MYO18B: variants seen among roughly 807,000 people sequenced by gnomAD.
MYO18B encodes unconventional myosin-XVIIIb.
In MYO18B, 204 loss-of-function variants were observed where a neutral mutation model predicts 273.0. The observed-to-expected ratio is 0.75, with a 90% confidence interval of 0.67 to 0.84. The LOEUF (loss-of-function observed/expected upper bound fraction) is 0.84. MYO18B is among the 40% of genes least tolerant of loss of function. The probability of loss-of-function intolerance (pLI) is 0.00; values close to 1 mark genes in which losing one functional copy is unlikely to be tolerated. For synonymous variants in MYO18B, 1,330 were observed against 1,305.7 expected, an observed-to-expected ratio of 1.02 and a Z score of -0.40; for missense variants, 3,212 against 3,287.6, an observed-to-expected ratio of 0.98 and a Z score of 0.56.
rs1372052215 is a variant in MYO18B, at chr22:25,948,499, TC to T, written c.5748+673del. On this transcript the variant is annotated intron_variant, in intron 36 of 43. Transcript: ENST00000335473. ...CTTTCTTTCTTTCTCTTTCTTTCTT[TC>T]CTCTCTTTTCTCTTTCCTTCTTTCT... is the stretch of plus-strand genomic sequence containing the variant. Among the ~76,000 whole-genome samples, 71 of 98,876 alleles carry T rather than the reference TC, an allele frequency of 7.2e-4. 1 individual carries two copies. Among genetic ancestry groups the T allele is most frequent in the African/African-American group, 2.1e-3 (63 of 30,362 alleles). The allele number at this position is 98,876 out of a possible 152,430, so 64.9% of individuals were successfully genotyped here. A position where few individuals can be genotyped will look rare whatever the true frequency, so the allele number is the denominator to read the frequency against.
chr22:25,941,712 C>T (rs962263282), intron 34 of MYO18B, among the ~76,000 whole-genome samples: 23 of 152,268 alleles, frequency 1.5e-4, no homozygotes, highest in African/African-American at 5.3e-4. Context: ...ATGAAGACAG[C>T]TTGTCAGCAG....
At chr22:25,938,638 G>A (rs2092608741) in intron 34 of MYO18B, among the ~76,000 whole-genome samples, 1 of 152,182 alleles carries the variant, frequency 6.6e-6, no homozygotes, top group Non-Finnish European at 1.5e-5. Flanking sequence ...GAGTGTTGAA[G>A]AAATCTCCTT....
chr22:25,964,450 C>T (rs1389785250), intron 39 of MYO18B, among the ~76,000 whole-genome samples: 2 of 152,136 alleles, frequency 1.3e-5, no homozygotes, highest in South Asian at 2.1e-4. Flanking sequence ...GCAGTGTTTA[C>T]GTGTTCAAGT....
chr22:25,944,016 C>T (rs1288767491), intron 34 of MYO18B, among the ~76,000 whole-genome samples: 2 of 152,154 alleles, frequency 1.3e-5, no homozygotes, highest in African/African-American at 4.8e-5. Flanking sequence ...GCCACCGCAA[C>T]CAGCCCTTCC....
In MYO18B at chr22:25,777,646, T is replaced by G. The variant is rs2145638966; in HGVS notation, c.1933T>G (p.Trp645Gly). Residue 645 changes from tryptophan to glycine, a missense_variant, in exon 8 of 44, where the codon TGG becomes GGG. Coordinates refer to ENST00000335473, the MANE Select transcript of MYO18B (RefSeq NM_032608.7). ...HIGSMAQRAYWALLNQRRDQS... is the reference protein window; with the variant it reads ...HIGSMAQRAYGALLNQRRDQS... ...TGGCTCCATGGCACAGCGGGCATAC[T>G]GGGCGCTGCTGAACCAGCGGAGAGA... 1.9e-6 allele frequency: 3 copies of G among 1,612,240 alleles called. No homozygotes were observed. The highest frequency in any genetic ancestry group is 2.5e-6 in the Non-Finnish European group (3 of 1,179,082).
rs1936639850 is a variant in MYO18B, at chr22:26,030,910, T to C, written c.*480T>C. ...CTCCATGCTCCCTTAATCCCCATGC[T>C]TGTCGATTATATTCCTTTGCCAATT... On this transcript the variant is annotated 3_prime_UTR_variant, in exon 44 of 44. Coordinates refer to ENST00000335473, the MANE Select transcript of MYO18B (RefSeq NM_032608.7). The C allele has an allele frequency of 2.5e-6, 1 of 398,482 alleles. No homozygotes were observed. The highest frequency in any genetic ancestry group is 1.3e-4 in the South Asian group (1 of 7,858). 24.7% of individuals were successfully genotyped at this position (398,482 alleles called of 1,614,324 possible).
At chr22:25,749,122 C>T (rs1228161105) in intron 1 of MYO18B, among the ~76,000 whole-genome samples, 1 of 152,192 alleles carries the variant, frequency 6.6e-6, no homozygotes, top group Admixed American at 6.5e-5. Flanking sequence ...AGCCACTATC[C>T]GTCTATCAGG....
intron 23 of MYO18B, among the ~76,000 whole-genome samples, 183 bp from the exon 24 acceptor site, chr22:25,876,006 G>A (rs1231052033): frequency 7.5e-5 from 4 of 53,042 alleles, no homozygotes; most frequent in African/African-American, 2.6e-4. Context: ...GGAAGCCCGT[G>A]TGTGTGTGTG....
At chr22:26,034,253 G>A (rs1040259196), downstream of MYO18B, among the ~76,000 whole-genome samples, 1 of 152,208 alleles carries the variant, frequency 6.6e-6, no homozygotes, top group Admixed American at 6.5e-5. Flanking sequence ...TTAGCACCCG[G>A]CGTAGTAAGC....
At chr22:25,902,509 C>A in intron 29 of MYO18B, 104 bp from the exon 30 acceptor site, 1 of 1,309,708 alleles carries the variant, frequency 7.6e-7, no homozygotes, top group Non-Finnish European at 1.0e-6. Flanking sequence ...TCTAATGGTT[C>A]TTGGGAAACT....
At chr22:25,955,469 T>C (rs1269734121) in intron 39 of MYO18B, 105 bp downstream of exon 39, 10 of 1,257,816 alleles carry the variant, frequency 8.0e-6, no homozygotes, top group Non-Finnish European at 8.6e-6. Flanking sequence ...GTTTGGGTCC[T>C]GGGCCTCAGG....
At chr22:25,977,285 C>CTGTATT (rs55633196) in intron 39 of MYO18B, among the ~76,000 whole-genome samples, 27,239 of 143,804 alleles carry the variant, frequency 0.19, 2,961 homozygotes, top group Middle Eastern at 0.23. Context: ...TTTCCAACTC[C>CTGTATT]TGTATTTGTA....
chr22:25,782,394 G>A (rs1168538721), intron 10 of MYO18B, among the ~76,000 whole-genome samples: 1 of 152,184 alleles, frequency 6.6e-6, no homozygotes, highest in Non-Finnish European at 1.5e-5. Flanking sequence ...GCCTACATGA[G>A]GTTCCTCAGG....
In MYO18B at chr22:25,770,973, C is replaced by T. The variant is rs1288542783; in HGVS notation, c.1681C>T (p.His561Tyr). Residue 561 changes from histidine to tyrosine, a missense_variant, in exon 6 of 44, where the codon CAT (histidine) becomes TAT (tyrosine). Coordinates refer to ENST00000335473, the MANE Select transcript of MYO18B (RefSeq NM_032608.7). ...DKTITEVDEEHVHRANPPELD... is the reference protein window; with the variant it reads ...DKTITEVDEEYVHRANPPELD... ...AACCATCACTGAGGTGGATGAGGAG[C>T]ATGTCCATCGGGTGAGTCCCCTGTC... 2.6e-6 allele frequency: 4 copies of T among 1,551,808 alleles called. No homozygotes were observed. The highest frequency in any genetic ancestry group is 3.5e-6 in the Non-Finnish European group (4 of 1,146,932).
At position 25,929,205 on chromosome 22, in the gene MYO18B, A is replaced by T. The variant is rs549400736; in HGVS notation, c.5517+7796A>T. On this transcript the variant is annotated intron_variant, in intron 34 of 43. Transcript: ENST00000335473. ...CAGTGATCTCAAAATATAACATAAC[A>T]TCCCCAATTGGCTCTCTCCTTTCAT... Among the ~76,000 whole-genome samples the T allele has an allele frequency of 5.7e-4, 86 of 151,966 alleles. 1 individual carries two copies. The South Asian group carries it at 0.017, about 31-fold the overall frequency.
chr22:25,926,204 CAAAAA>C (rs1883268866), intron 34 of MYO18B, among the ~76,000 whole-genome samples: 1 of 150,776 alleles, frequency 6.6e-6, no homozygotes, highest in East Asian at 1.9e-4. Flanking sequence ...GACTGCGTCT[CAAAAA>C]GAAAAGAAAA....
chr22:26,006,502 T>TG (rs1934430407), intron 42 of MYO18B: 1 of 300,700 alleles, frequency 3.3e-6, no homozygotes, highest in African/African-American at 2.2e-5. Context: ...AGCACTGGAT[T>TG]AGAAAGCATA....
intron 11 of MYO18B, among the ~76,000 whole-genome samples, chr22:25,787,833 A>G (rs1486356160): frequency 6.6e-6 from 1 of 152,120 alleles, no homozygotes; most frequent in Non-Finnish European, 1.5e-5. Flanking sequence ...CCAGACCTCC[A>G]CCTTGAAGGC....
chr22:25,903,552 T>C (rs1448067084), intron 30 of MYO18B, 79 bp from the exon 31 acceptor site: 33 of 1,387,508 alleles, frequency 2.4e-5, no homozygotes, highest in East Asian at 5.0e-5. Flanking sequence ...CCAGCCCCAG[T>C]TGGTTGTAGA....
Sources: allele counts gnomAD v4.1 joint callset (sites outside exome capture counted in the v4.1 genomes callset), GRCh38; gene constraint gnomAD v4.1.1; transcripts MANE v1.5; gene names NCBI Gene and HGNC (gene_info 2026-07-23, HGNC 2026-07-21).